The following MSI2 variants were observed in gnomAD, a reference collection of about 807,000 sequenced individuals.
MSI2 encodes the protein musashi RNA binding protein 2.
Under a neutral mutation model 45.6 loss-of-function variants are expected in MSI2, and 17 were observed. That is an observed-to-expected ratio of 0.37 (90% CI 0.26 to 0.56). The LOEUF is 0.56. MSI2 is among the 20% of genes least tolerant of loss of function. The pLI is 0.77. For missense variants in MSI2, 293 were observed against 444.2 expected, an observed-to-expected ratio of 0.66 and a Z score of 3.06; for synonymous variants, 156 against 158.2, an observed-to-expected ratio of 0.99 and a Z score of 0.11.
At chr17:57,651,336 G>C (rs1911131532) in intron 10 of MSI2, among the ~76,000 whole-genome samples, 1 of 151,944 alleles carries the variant, frequency 6.6e-6, no homozygotes, top group Non-Finnish European at 1.5e-5. Flanking sequence ...TAGACCGTGG[G>C]GCTCAGACCG....
intron 6 of MSI2, among the ~76,000 whole-genome samples, chr17:57,447,353 C>T (rs1035978767): frequency 2.0e-5 from 3 of 152,244 alleles, no homozygotes; most frequent in African/African-American, 7.2e-5. Context: ...ATCCTCCTGC[C>T]TCAGCCTCCC....
intron 6 of MSI2, among the ~76,000 whole-genome samples, chr17:57,425,632 CTTAG>C (rs1040479888): frequency 6.6e-6 from 1 of 152,184 alleles, no homozygotes; most frequent in African/African-American, 2.4e-5. Flanking sequence ...TACGCAAACC[CTTAG>C]TTAGGATCAT....
intron 12 of MSI2, among the ~76,000 whole-genome samples, chr17:57,675,896 GTGT>G (rs1261427709): frequency 2.0e-5 from 3 of 152,230 alleles, no homozygotes; most frequent in Non-Finnish European, 4.4e-5. Flanking sequence ...TTTTCAGATT[GTGT>G]TGTTCTTCTC....
rs2084251721 is a variant in MSI2 at position 57,414,271 on chromosome 17, GGCC to G, written c.405+12801_405+12803del. Among the ~76,000 whole-genome samples the G allele has an allele frequency of 2.0e-5, 3 of 152,192 alleles. No individual in the cohort carries two copies. In the South Asian group the frequency reaches 6.2e-4, roughly 31 times the overall value. ...TTACTCACCCTGTAGCACCAGGACT[GGCC>G]TATGGCCTGGGCAGTAGTTGGTGCT... On this transcript the variant is annotated intron_variant, in intron 6 of 13. Coordinates refer to ENST00000284073, the MANE Select transcript of MSI2 (RefSeq NM_138962.4).
At chr17:57,408,032 A>T (rs2084116498) in intron 6 of MSI2, among the ~76,000 whole-genome samples, 1 of 152,170 alleles carries the variant, frequency 6.6e-6, no homozygotes, top group Non-Finnish European at 1.5e-5. Context: ...CCCATGAGTA[A>T]TATGATCCTG....
At chr17:57,563,595 A>G (rs573759132) in intron 7 of MSI2, among the ~76,000 whole-genome samples, 1 of 152,228 alleles carries the variant, frequency 6.6e-6, no homozygotes, top group African/African-American at 2.4e-5. Context: ...ATAAAGCACA[A>G]TCCATGTCAG....
chr17:57,660,917 C>A (rs911717185), intron 11 of MSI2, among the ~76,000 whole-genome samples: 2 of 152,092 alleles, frequency 1.3e-5, no homozygotes, highest in African/African-American at 2.4e-5. Context: ...ATGGGCAGGG[C>A]CTGTGAGATC....
intron 6 of MSI2, among the ~76,000 whole-genome samples, chr17:57,492,305 T>G (rs1010884729): frequency 2.0e-5 from 3 of 152,216 alleles, no homozygotes; most frequent in African/African-American, 7.2e-5. Flanking sequence ...CTCAGTATCT[T>G]TCTTCTCCAC....
At chr17:57,344,933 T>C (rs1915477355) in intron 5 of MSI2, among the ~76,000 whole-genome samples, 1 of 150,184 alleles carries the variant, frequency 6.7e-6, no homozygotes. Flanking sequence ...CATGGTGGCA[T>C]GTGCCTGTAA....
intron 5 of MSI2, chr17:57,266,307 C>A (rs1372166055): frequency 6.6e-6 from 1 of 152,134 alleles, no homozygotes; most frequent in Admixed American, 6.5e-5. Context: ...GGGAGTCTGG[C>A]ATAAAACAGC....
chr17:57,541,329 T>C (rs1008642520), intron 7 of MSI2, among the ~76,000 whole-genome samples: 1 of 152,186 alleles, frequency 6.6e-6, no homozygotes, highest in Non-Finnish European at 1.5e-5. Context: ...GTGGCGTTTC[T>C]AGCTGGTTCA....
chr17:57,455,322 C>T (rs1023329717), intron 6 of MSI2, among the ~76,000 whole-genome samples: 3 of 152,210 alleles, frequency 2.0e-5, no homozygotes, highest in African/African-American at 7.2e-5. Flanking sequence ...GCTGTGGTCA[C>T]AGTCGGACCA....
chr17:57,666,080 A>C (rs145493128), intron 11 of MSI2, among the ~76,000 whole-genome samples: 4 of 152,128 alleles, frequency 2.6e-5, no homozygotes, highest in Admixed American at 6.5e-5. Flanking sequence ...AGGAGCTTCT[A>C]CTCCAAGGCT....
At chr17:57,368,985 C>A (rs998726772) in intron 5 of MSI2, among the ~76,000 whole-genome samples, 2 of 152,170 alleles carry the variant, frequency 1.3e-5, no homozygotes, top group African/African-American at 4.8e-5. Flanking sequence ...AATAGGGTCA[C>A]CCTGGCCTCA....
At chr17:57,566,470 C>T (rs1452816466) in intron 7 of MSI2, among the ~76,000 whole-genome samples, 2 of 152,084 alleles carry the variant, frequency 1.3e-5, no homozygotes, top group African/African-American at 4.8e-5. Context: ...TGGAAGGAAG[C>T]CCTGGCCCCC....
intron 5 of MSI2, among the ~76,000 whole-genome samples, chr17:57,368,306 A>T (rs537132060): frequency 1.9e-3 from 294 of 152,268 alleles, no homozygotes; most frequent in African/African-American, 6.8e-3. Context: ...GGAGGCTCCC[A>T]GCACTTTGGG....
chr17:57,290,952 G>A (rs1390630153), intron 5 of MSI2, among the ~76,000 whole-genome samples: 1 of 152,246 alleles, frequency 6.6e-6, no homozygotes, highest in Non-Finnish European at 1.5e-5. Flanking sequence ...CCCTGCGTCA[G>A]TGTCCTGGGT....
chr17:57,317,725 TGAGATAGG>T, intron 5 of MSI2, among the ~76,000 whole-genome samples: 1 of 152,190 alleles, frequency 6.6e-6, no homozygotes, highest in African/African-American at 2.4e-5. Context: ...GTCAGGACAC[TGAGATAGG>T]GACTTATTTC....
At chr17:57,323,627 C>T (rs923490320) in intron 5 of MSI2, among the ~76,000 whole-genome samples, 6 of 152,248 alleles carry the variant, frequency 3.9e-5, no homozygotes, top group Non-Finnish European at 7.3e-5. Flanking sequence ...TGCCAAGCTC[C>T]GTGGAGGAGC....
Sources: gnomAD v4.1 joint callset for allele counts (sites outside exome capture counted in the v4.1 genomes callset) on GRCh38, gnomAD v4.1.1 for gene constraint, MANE v1.5 for transcripts, NCBI Gene and HGNC (gene_info 2026-07-23, HGNC 2026-07-21) for gene names.